SH3GL2: variants seen among roughly 807,000 people sequenced by gnomAD.
SH3GL2 encodes SH3 domain containing GRB2 like 2, endophilin A1, also known as endophilin-A1.
A neutral mutation model predicts 46.0 loss-of-function variants in SH3GL2; 24 were observed. The ratio of observed to expected loss-of-function variants is 0.52; its 90% CI spans 0.38 to 0.73. SH3GL2 has a LOEUF of 0.73. Among genes scored for constraint, SH3GL2 ranks in the 30% least tolerant of loss-of-function variants. SH3GL2 has a pLI of 0.00. For missense variants in SH3GL2, 413 were observed against 424.2 expected (o/e 0.97, Z 0.23); for synonymous variants, 196 against 147.1 (o/e 1.33, Z -2.40).
chr9:17,795,626 C>T lies in SH3GL2; in HGVS notation c.942C>T (p.Gly314=), dbSNP rs146755876. ...AAGGGGAGTTGGGATTTAAAGAGGG[C>T]GATATCATCACACTCACTAACCAAA... is the stretch of plus-strand genomic sequence containing the variant. The part of the protein sequence containing the change: ...ENEGELGFKE[G]DIITLTNQID... The change falls in exon 9 of 9, where the codon GGC becomes GGT. Residue 314 remains glycine (G), a synonymous_variant. Coordinates refer to ENST00000380607, the MANE Select transcript of SH3GL2 (RefSeq NM_003026.5). 132 of 1,613,350 alleles carry T rather than the reference C, an allele frequency of 8.2e-5. No homozygotes were observed. In the African/African-American group the frequency reaches 1.2e-3, roughly 15 times the overall value.
intron 1 of SH3GL2, among the ~76,000 whole-genome samples, chr9:17,605,629 G>C (rs1588168121): frequency 6.6e-6 from 1 of 152,098 alleles, no homozygotes; most frequent in African/African-American, 2.4e-5. Context: ...GTGGGGGTCT[G>C]GTGCCAACAT....
intron 1 of SH3GL2, among the ~76,000 whole-genome samples, chr9:17,656,719 G>A (rs557903946): frequency 2.8e-5 from 4 of 140,440 alleles, no homozygotes; most frequent in Non-Finnish European, 4.5e-5. Context: ...GTAGTGAGCC[G>A]AGTTAGTGCC....
Position 17,645,151 on chromosome 9 carries a change from C to CTTTTTTTTTTTTTTTTTTTTTTTTTTTTT in SH3GL2, c.45+65867_45+65895dup, listed in dbSNP as rs57611978. ...TCAGAGACTAGGATTGCAAACGCTG[C>CTTTTTTTTTTTTTTTTTTTTTTTTTTTTT]TTTTTTTTTTTTTTTTTTTTTTTTT... On this transcript the variant is annotated intron_variant, in intron 1 of 8. Coordinates refer to ENST00000380607, the MANE Select transcript of SH3GL2 (RefSeq NM_003026.5). Among the ~76,000 whole-genome samples the CTTTTTTTTTTTTTTTTTTTTTTTTTTTTT allele has an allele frequency of 1.2e-4, 8 of 68,780 alleles. 1 individual carries two copies. The highest frequency in any genetic ancestry group is 3.9e-4 in the African/African-American group (6 of 15,360). 45.1% of individuals were successfully genotyped at this position (68,780 alleles called of 152,430 possible). A position where few individuals can be genotyped will look rare whatever the true frequency, so the allele number is the denominator to read the frequency against.
intron 1 of SH3GL2, among the ~76,000 whole-genome samples, chr9:17,672,283 A>T (rs184949998): frequency 6.6e-6 from 1 of 152,160 alleles, no homozygotes; most frequent in South Asian, 2.1e-4. Context: ...TTTCCAGGCA[A>T]CCAAACACAC....
chr9:17,661,534 A>T (rs1483300841), intron 1 of SH3GL2, among the ~76,000 whole-genome samples: 2 of 152,210 alleles, frequency 1.3e-5, no homozygotes, highest in Non-Finnish European at 2.9e-5. Context: ...ATATATATAC[A>T]TGGCCATCAA....
intron 1 of SH3GL2, among the ~76,000 whole-genome samples, chr9:17,731,893 T>C (rs1310183061): frequency 2.0e-5 from 3 of 152,122 alleles, no homozygotes; most frequent in African/African-American, 7.2e-5. Context: ...CTCCTCACAG[T>C]ATCCTCAGTG....
At chr9:17,640,347 G>C (rs1819647888) in intron 1 of SH3GL2, among the ~76,000 whole-genome samples, 1 of 151,764 alleles carries the variant, frequency 6.6e-6, no homozygotes, top group Non-Finnish European at 1.5e-5. Flanking sequence ...TTTGGAAAAA[G>C]TTTCCTTTTT....
intron 1 of SH3GL2, among the ~76,000 whole-genome samples, chr9:17,624,153 G>T (rs78052987): frequency 6.6e-6 from 1 of 152,134 alleles, no homozygotes; most frequent in South Asian, 2.1e-4. Context: ...GATTCAGGGT[G>T]ATGCAATCTC....
chr9:17,587,199 C>G lies in SH3GL2; in HGVS notation c.45+7912C>G, dbSNP rs1473710094. Among the ~76,000 whole-genome samples, 7 of 152,156 alleles carry G rather than the reference C, an allele frequency of 4.6e-5. No homozygotes were observed. The East Asian group carries it at 1.2e-3, about 25-fold the overall frequency. On this transcript the variant is annotated intron_variant, in intron 1 of 8. Coordinates refer to ENST00000380607, the MANE Select transcript of SH3GL2 (RefSeq NM_003026.5). ...CCTGGGCGACAGAGCGAGACTGTCT[C>G]AAAAACAAAACAAAACAAAACAAAA...
chr9:17,740,905 G>A (rs937362205), intron 1 of SH3GL2, among the ~76,000 whole-genome samples: 6 of 152,198 alleles, frequency 3.9e-5, no homozygotes, highest in African/African-American at 1.4e-4. Flanking sequence ...AATTGAGGCA[G>A]CAAGAGTTTA....
At chr9:17,788,037 A>G (rs557295039) in intron 5 of SH3GL2, among the ~76,000 whole-genome samples, 20 of 152,200 alleles carry the variant, frequency 1.3e-4, no homozygotes, top group African/African-American at 4.8e-4. Flanking sequence ...TTTCTAAAAC[A>G]TGTAGAGCAG....
chr9:17,608,139 G>C (rs1818793075), intron 1 of SH3GL2, among the ~76,000 whole-genome samples: 1 of 133,906 alleles, frequency 7.5e-6, no homozygotes, highest in Non-Finnish European at 1.6e-5. Context: ...GAATTTGTAA[G>C]CTTTCCTCTT....
At chr9:17,763,282 G>C (rs1241655050) in intron 3 of SH3GL2, among the ~76,000 whole-genome samples, 1 of 152,142 alleles carries the variant, frequency 6.6e-6, no homozygotes, top group East Asian at 1.9e-4. Flanking sequence ...TGCATTGTGT[G>C]TCTCCCCAAA....
chr9:17,641,222 C>A (rs1266588169), intron 1 of SH3GL2, among the ~76,000 whole-genome samples: 2 of 152,090 alleles, frequency 1.3e-5, no homozygotes, highest in East Asian at 3.9e-4. Flanking sequence ...TCCAAGCAAA[C>A]AGTTTTTCCA....
At chr9:17,731,799 C>T (rs1822191793) in intron 1 of SH3GL2, among the ~76,000 whole-genome samples, 3 of 152,152 alleles carry the variant, frequency 2.0e-5, no homozygotes, top group Non-Finnish European at 4.4e-5. Flanking sequence ...CAAGTGCTCT[C>T]TCCCTCCCTC....
rs999459033 is a variant in SH3GL2, at chr9:17,740,708, T to G, written c.46-6358T>G. ...CACTTAAATTACATTTAGATTTTTTTGCTAAATGTGTGAAATCAGTTTAAA... is the reference window on the plus strand; with the variant it reads ...CACTTAAATTACATTTAGATTTTTTGGCTAAATGTGTGAAATCAGTTTAAA... On this transcript the variant is annotated intron_variant, in intron 1 of 8. Transcript: ENST00000380607. Among the ~76,000 whole-genome samples, 6 of 152,184 alleles carry G rather than the reference T, an allele frequency of 3.9e-5. No homozygotes were observed. In the East Asian group the frequency reaches 1.2e-3, roughly 29 times the overall value.
chr9:17,769,600 C>T (rs1459377529), intron 3 of SH3GL2, among the ~76,000 whole-genome samples: 1 of 152,128 alleles, frequency 6.6e-6, no homozygotes, highest in Admixed American at 6.5e-5. Flanking sequence ...TGCTCCTCAT[C>T]ACTCCACCTT....
At chr9:17,634,540 T>G (rs1487647700) in intron 1 of SH3GL2, among the ~76,000 whole-genome samples, 3 of 152,212 alleles carry the variant, frequency 2.0e-5, no homozygotes, top group African/African-American at 7.2e-5. Context: ...TGTCAACCAC[T>G]AGAGACTTAG....
chr9:17,665,249 C>G (rs1820315342), intron 1 of SH3GL2, among the ~76,000 whole-genome samples: 2 of 152,146 alleles, frequency 1.3e-5, no homozygotes, highest in African/African-American at 4.8e-5. Context: ...TATATCCAGT[C>G]CACAATCTGA....
Sources: allele counts gnomAD v4.1 joint callset (sites outside exome capture counted in the v4.1 genomes callset), GRCh38; gene constraint gnomAD v4.1.1; transcripts MANE v1.5; gene names NCBI Gene and HGNC (gene_info 2026-07-23, HGNC 2026-07-21).